CNTLN: variants seen among roughly 807,000 people sequenced by gnomAD.
CNTLN encodes centlein, centrosomal protein.
Under a neutral mutation model 180.0 loss-of-function variants are expected in CNTLN, and 212 were observed. That is an observed-to-expected ratio of 1.18 (90% CI 1.05 to 1.32). CNTLN has a LOEUF of 1.32. Among genes scored for constraint, CNTLN ranks in the 40% most tolerant of loss-of-function variants. The pLI is 0.00. For synonymous variants in CNTLN, 722 were observed against 563.1 expected (o/e 1.28, Z -3.99); for missense variants, 2,095 against 1,610.9 (o/e 1.30, Z -5.14).
At chr9:17,451,485 G>A (rs1489578921) in intron 18 of CNTLN, among the ~76,000 whole-genome samples, 3 of 152,170 alleles carry the variant, frequency 2.0e-5, no homozygotes, top group East Asian at 1.9e-4. Context: ...GATCATTCTC[G>A]TTTAATGATT....
chr9:17,387,562 G>A (rs1196712628), intron 13 of CNTLN, among the ~76,000 whole-genome samples: 2 of 152,082 alleles, frequency 1.3e-5, no homozygotes, highest in South Asian at 4.1e-4. Context: ...TATAGCTAGT[G>A]TAGGAATGAT....
intron 18 of CNTLN, among the ~76,000 whole-genome samples, chr9:17,437,059 T>C (rs1829821195): frequency 1.3e-5 from 2 of 152,214 alleles, no homozygotes; most frequent in South Asian, 4.1e-4. Flanking sequence ...CCTGTCTCTC[T>C]CCTAGCAGAG....
chr9:17,288,340 A>G lies in CNTLN; in HGVS notation c.984-9850A>G. ...GCTTTGAGTGAGATTCTTAATCCTG[A>G]GTTCTAGTTTGATTGCACTGCGGTC... On this transcript the variant is annotated intron_variant, in intron 6 of 25. Coordinates refer to ENST00000380647, the MANE Select transcript of CNTLN (RefSeq NM_017738.4). Among the ~76,000 whole-genome samples the G allele has an allele frequency of 1.7e-5, 2 of 117,736 alleles. 1 individual carries two copies. The highest frequency in any genetic ancestry group is 4.3e-4 in the East Asian group (2 of 4,642). The allele number at this position is 117,736 out of a possible 152,430, so 77.2% of individuals were successfully genotyped here. A position where few individuals can be genotyped will look rare whatever the true frequency, so the allele number is the denominator to read the frequency against.
chr9:17,419,741 A>G (rs915325943), intron 18 of CNTLN, among the ~76,000 whole-genome samples: 11 of 152,168 alleles, frequency 7.2e-5, no homozygotes, highest in Admixed American at 5.9e-4. Flanking sequence ...AAAGATAGAA[A>G]ATGTGATAAA....
At chr9:17,511,952 C>T in the CNTLN span, among the ~76,000 whole-genome samples, 2 of 152,086 alleles carry the variant, frequency 1.3e-5, no homozygotes, top group African/African-American at 2.4e-5. Context: ...TTCTTGGTAC[C>T]ACCATAGGAT....
intron 18 of CNTLN, among the ~76,000 whole-genome samples, chr9:17,448,879 A>G (rs1186673140): frequency 6.6e-6 from 1 of 152,196 alleles, no homozygotes; most frequent in African/African-American, 2.4e-5. Context: ...AGCTATTTCT[A>G]TGTTGAATTA....
At chr9:17,351,598 G>A (rs956155174) in intron 12 of CNTLN, among the ~76,000 whole-genome samples, 1 of 151,944 alleles carries the variant, frequency 6.6e-6, no homozygotes, top group Non-Finnish European at 1.5e-5. Context: ...TCCATACTAA[G>A]CCTTAATATT....
chr9:17,462,184 T>G (rs1271060698), intron 19 of CNTLN, among the ~76,000 whole-genome samples: 1 of 151,708 alleles, frequency 6.6e-6, no homozygotes, highest in Non-Finnish European at 1.5e-5. Context: ...CTTTTGCTGG[T>G]CTCTTCTGGG....
chr9:17,401,597 T>G (rs1487158329), intron 15 of CNTLN, among the ~76,000 whole-genome samples: 1 of 151,800 alleles, frequency 6.6e-6, no homozygotes, highest in Non-Finnish European at 1.5e-5. Flanking sequence ...GGTTTTGAAC[T>G]TCTGGTCTCA....
chr9:17,312,699 G>T (rs1819282835), intron 8 of CNTLN, among the ~76,000 whole-genome samples: 1 of 151,740 alleles, frequency 6.6e-6, no homozygotes, highest in South Asian at 2.1e-4. Flanking sequence ...CACCACGCCA[G>T]CCTGTATTTT....
At chr9:17,215,356 G>T (rs1483625324) in intron 2 of CNTLN, among the ~76,000 whole-genome samples, 1 of 152,230 alleles carries the variant, frequency 6.6e-6, no homozygotes, top group Non-Finnish European at 1.5e-5. Context: ...AGCGGAGGCT[G>T]CAGAACAGCG....
intron 2 of CNTLN, among the ~76,000 whole-genome samples, chr9:17,156,093 G>A (rs937364360): frequency 6.6e-6 from 1 of 152,166 alleles, no homozygotes; most frequent in Admixed American, 6.5e-5. Flanking sequence ...GAGATGAACC[G>A]GGTACTTCAG....
chr9:17,304,530 C>G (rs1818577931), intron 7 of CNTLN, among the ~76,000 whole-genome samples: 1 of 152,002 alleles, frequency 6.6e-6, no homozygotes, highest in Non-Finnish European at 1.5e-5. Flanking sequence ...AAGGAGTTAG[C>G]ATATTAAATT....
chr9:17,324,058 A>G (rs1820102449), intron 8 of CNTLN, among the ~76,000 whole-genome samples: 1 of 152,210 alleles, frequency 6.6e-6, no homozygotes, highest in African/African-American at 2.4e-5. Flanking sequence ...GAATTCGAGT[A>G]TGATTGAGGT....
At chr9:17,311,548 G>A (rs1252710099) in intron 8 of CNTLN, among the ~76,000 whole-genome samples, 1 of 149,656 alleles carries the variant, frequency 6.7e-6, no homozygotes, top group East Asian at 2.0e-4. Flanking sequence ...GGTGGCTCAC[G>A]CCTGTAATCC....
intron 23 of CNTLN, among the ~76,000 whole-genome samples, chr9:17,472,827 C>G (rs551534713): frequency 2.0e-5 from 3 of 152,202 alleles, no homozygotes; most frequent in African/African-American, 7.2e-5. Context: ...TATTCTTTGA[C>G]CACTATTTCT....
chr9:17,519,799 A>T, the CNTLN span, among the ~76,000 whole-genome samples: 3 of 152,242 alleles, frequency 2.0e-5, no homozygotes, highest in Non-Finnish European at 4.4e-5. Context: ...TCAAACAGTT[A>T]CAAGAAGTCT....
In CNTLN at chr9:17,340,837, A is replaced by G; in HGVS notation, c.1655A>G (p.Asn552Ser). ...TTTTGTGTTCTACAGAGCCAAGAAA[A>G]TGATGAGCTAAGAGATGCCCATGAA... ...EKALQLKSQENDELRDAHEKR... is the reference protein window; with the variant it reads ...EKALQLKSQESDELRDAHEKR... Residue 552 changes from asparagine to serine, a missense_variant, in exon 11 of 26, where the codon AAT becomes AGT. Coordinates refer to ENST00000380647, the MANE Select transcript of CNTLN (RefSeq NM_017738.4). The G allele has an allele frequency of 6.2e-7, 1 of 1,610,522 alleles. No homozygotes were observed. Among genetic ancestry groups the G allele is most frequent in the Non-Finnish European group, 8.5e-7 (1 of 1,178,256 alleles).
Position 17,284,051 on chromosome 9 carries a change from C to T in CNTLN, c.983+10185C>T, listed in dbSNP as rs4333707. On this transcript the variant is annotated intron_variant, in intron 6 of 25. Coordinates refer to ENST00000380647, the MANE Select transcript of CNTLN (RefSeq NM_017738.4). The stretch of plus-strand genomic sequence containing the variant: ...TGTTTGTTTTTTTGAGACAGAGTTT[C>T]GCTCATGTTTCCCAGGCTGGAGTAC... 0.019 allele frequency among the ~76,000 whole-genome samples: 2,828 copies of T among 151,950 alleles called. 174 individuals carry two copies. The East Asian group carries it at 0.25, about 13-fold the overall frequency.
Sources: allele counts gnomAD v4.1 joint callset (sites outside exome capture counted in the v4.1 genomes callset), GRCh38; gene constraint gnomAD v4.1.1; transcripts MANE v1.5; gene names NCBI Gene and HGNC (gene_info 2026-07-23, HGNC 2026-07-21).